MTNAP1: variants seen among roughly 807,000 people sequenced by gnomAD.
MTNAP1 encodes the protein mitochondrial nucleoid associated protein 1.
the MTNAP1 span, among the ~76,000 whole-genome samples, chr17:73,240,295 A>G: frequency 6.6e-6 from 1 of 152,230 alleles, no homozygotes; most frequent in Non-Finnish European, 1.5e-5. Flanking sequence ...AAGACAGTAA[A>G]TAAGGTGTAA....
the MTNAP1 span, chr17:73,232,452 G>C: frequency 3.8e-5 from 33 of 871,552 alleles, no homozygotes; most frequent in East Asian, 9.0e-4. Flanking sequence ...CCTCCCCTGG[G>C]GTGGCAGAAG....
chr17:73,245,403 T>C, the MTNAP1 span: 1 of 1,218,402 alleles, frequency 8.2e-7, no homozygotes, highest in Non-Finnish European at 1.0e-6. Flanking sequence ...GTCTGGATGT[T>C]CTTGGCTTGC....
At chr17:73,239,650 C>T in the MTNAP1 span, among the ~76,000 whole-genome samples, 2 of 151,712 alleles carry the variant, frequency 1.3e-5, no homozygotes, top group Admixed American at 1.3e-4. Context: ...TCCAGAGTAG[C>T]TGGGATTACA....
the MTNAP1 span, among the ~76,000 whole-genome samples, chr17:73,234,208 A>C: frequency 6.6e-6 from 1 of 152,196 alleles, no homozygotes; most frequent in African/African-American, 2.4e-5. Flanking sequence ...CTGGAACTTT[A>C]TAGAAAGAAT....
the MTNAP1 span, among the ~76,000 whole-genome samples, chr17:73,240,466 C>G: frequency 1.3e-5 from 2 of 152,214 alleles, no homozygotes; most frequent in Non-Finnish European, 2.9e-5. Context: ...TGGCCAAGGA[C>G]TTCAAGGCCA....
chr17:73,243,429 C>T, the MTNAP1 span, among the ~76,000 whole-genome samples: 1 of 152,142 alleles, frequency 6.6e-6, no homozygotes, highest in Non-Finnish European at 1.5e-5. Context: ...GCTAAGATTA[C>T]AGGCATAAGC....
the MTNAP1 span, chr17:73,235,903 T>C: frequency 6.2e-7 from 1 of 1,614,184 alleles, no homozygotes; most frequent in Non-Finnish European, 8.5e-7. Context: ...GGCTCAGTTT[T>C]ACGCATCAGA....
the MTNAP1 span, chr17:73,248,425 GGA>G: frequency 7.5e-7 from 1 of 1,327,584 alleles, no homozygotes. Flanking sequence ...TGCTGCAGAA[GGA>G]GGGGGTAAAA....
the MTNAP1 span, chr17:73,242,825 C>A: frequency 7.9e-7 from 1 of 1,259,376 alleles, no homozygotes; most frequent in South Asian, 1.3e-5. Context: ...ACTGGGAAAA[C>A]TTGAATGACT....
At chr17:73,248,190 T>C in the MTNAP1 span, 1 of 355,570 alleles carries the variant, frequency 2.8e-6, no homozygotes, top group Non-Finnish European at 5.2e-6. Context: ...GCACAGCCAG[T>C]TCCAATCATG....
At chr17:73,235,782 G>A in the MTNAP1 span, 2 of 1,614,038 alleles carry the variant, frequency 1.2e-6, no homozygotes, top group African/African-American at 2.7e-5. Flanking sequence ...CTGTTGGTTT[G>A]GAAAGAGCAG....
the MTNAP1 span, among the ~76,000 whole-genome samples, chr17:73,246,367 CA>C: frequency 6.7e-5 from 10 of 149,442 alleles, no homozygotes; most frequent in East Asian, 3.9e-4. Context: ...TCCATCTCTA[CA>C]AAAAAAAAAT....
the MTNAP1 span, among the ~76,000 whole-genome samples, chr17:73,241,718 T>A: frequency 6.6e-6 from 1 of 152,028 alleles, no homozygotes; most frequent in Non-Finnish European, 1.5e-5. Flanking sequence ...ACACATGAGG[T>A]CAGGAGTTCA....
the MTNAP1 span, chr17:73,247,149 G>T: frequency 9.0e-7 from 1 of 1,107,340 alleles, no homozygotes; most frequent in Non-Finnish European, 1.4e-6. Context: ...GGCATCCATG[G>T]CTGTTTCACA....
the MTNAP1 span, among the ~76,000 whole-genome samples, chr17:73,244,922 A>G: frequency 1.3e-5 from 2 of 152,194 alleles, no homozygotes; most frequent in Non-Finnish European, 2.9e-5. Context: ...GAGGCCCAAA[A>G]CCAAGAGTCA....
At chr17:73,240,048 C>T in the MTNAP1 span, among the ~76,000 whole-genome samples, 12 of 152,058 alleles carry the variant, frequency 7.9e-5, no homozygotes, top group African/African-American at 2.9e-4. Context: ...AAGTCAATAC[C>T]TTGTTTGATA....
chr17:73,236,992 C>CA, the MTNAP1 span: 257 of 1,543,196 alleles, frequency 1.7e-4, no homozygotes, highest in Non-Finnish European at 2.2e-4. Flanking sequence ...AAGACTCTCA[C>CA]AAGGTAAACA....
chr17:73,236,206 G>T, the MTNAP1 span: 1 of 1,614,172 alleles, frequency 6.2e-7, no homozygotes. Context: ...GGTTAAAAGG[G>T]TAAGAACATT....
chr17:73,246,134 G>T, the MTNAP1 span, among the ~76,000 whole-genome samples: 1 of 152,108 alleles, frequency 6.6e-6, no homozygotes, highest in South Asian at 2.1e-4. Flanking sequence ...TAACGTAGAG[G>T]GTTAGTTATA....
Sources: gnomAD v4.1 joint callset for allele counts (sites outside exome capture counted in the v4.1 genomes callset) on GRCh38, gnomAD v4.1.1 for gene constraint, MANE v1.5 for transcripts, NCBI Gene and HGNC (gene_info 2026-07-23, HGNC 2026-07-21) for gene names.